Variants in AKAP19 observed in about 807,000 individuals in gnomAD.
AKAP19 encodes A-kinase anchoring protein 19.
At chr2:190,169,204 T>G in the AKAP19 span, among the ~76,000 whole-genome samples, 1 of 152,040 alleles carries the variant, frequency 6.6e-6, no homozygotes, top group Non-Finnish European at 1.5e-5. Flanking sequence ...TTCAAGACTA[T>G]CAGATCTCAT....
the AKAP19 span, among the ~76,000 whole-genome samples, chr2:190,134,002 T>C: frequency 6.6e-6 from 1 of 152,196 alleles, no homozygotes; most frequent in African/African-American, 2.4e-5. Context: ...TCGTCACAAA[T>C]ACATGAGGTA....
the AKAP19 span, among the ~76,000 whole-genome samples, chr2:189,980,119 T>G: frequency 6.6e-6 from 1 of 152,176 alleles, no homozygotes; most frequent in African/African-American, 2.4e-5. Context: ...ACTTGTCTGT[T>G]TATCACAGCA....
the AKAP19 span, among the ~76,000 whole-genome samples, chr2:190,006,995 G>C: frequency 6.6e-6 from 1 of 152,142 alleles, no homozygotes; most frequent in Non-Finnish European, 1.5e-5. Context: ...ACTCCAGCCT[G>C]GGCGACAGAG....
the AKAP19 span, among the ~76,000 whole-genome samples, chr2:189,884,957 A>G: frequency 6.6e-6 from 1 of 152,220 alleles, no homozygotes; most frequent in South Asian, 2.1e-4. Flanking sequence ...GCAAATATAC[A>G]CTGAAAATAA....
the AKAP19 span, among the ~76,000 whole-genome samples, chr2:190,029,027 T>A: frequency 1.3e-5 from 2 of 151,776 alleles, no homozygotes; most frequent in African/African-American, 2.4e-5. Flanking sequence ...TCGAGTGTGG[T>A]GAGGTGTGGT....
chr2:190,057,855 G>C, the AKAP19 span, among the ~76,000 whole-genome samples: 1 of 152,010 alleles, frequency 6.6e-6, no homozygotes, highest in South Asian at 2.1e-4. Context: ...TTCCCCTAAG[G>C]TCAGTACCAT....
the AKAP19 span, among the ~76,000 whole-genome samples, chr2:189,942,331 C>G: frequency 6.6e-6 from 1 of 152,148 alleles, no homozygotes; most frequent in Non-Finnish European, 1.5e-5. Context: ...TTGCCTTCTG[C>G]CATGATGGTA....
At chr2:189,902,477 A>T in the AKAP19 span, among the ~76,000 whole-genome samples, 1 of 152,048 alleles carries the variant, frequency 6.6e-6, no homozygotes, top group South Asian at 2.1e-4. Context: ...AATTTAAAAG[A>T]CGTTTTAAAT....
At chr2:190,123,965 A>G in the AKAP19 span, among the ~76,000 whole-genome samples, 2 of 152,202 alleles carry the variant, frequency 1.3e-5, no homozygotes, top group African/African-American at 4.8e-5. Context: ...ACCTTGGACA[A>G]CAGAACTCCA....
the AKAP19 span, among the ~76,000 whole-genome samples, chr2:190,167,835 C>T: frequency 1.3e-5 from 2 of 152,216 alleles, no homozygotes; most frequent in South Asian, 2.1e-4. Flanking sequence ...GGTACATCCT[C>T]CCTCCTGGCT....
At chr2:190,152,276 G>A in the AKAP19 span, among the ~76,000 whole-genome samples, 1 of 152,086 alleles carries the variant, frequency 6.6e-6, no homozygotes, top group Non-Finnish European at 1.5e-5. Context: ...CATTCAAATT[G>A]TTGCTCCATT....
At chr2:189,912,519 C>A in the AKAP19 span, among the ~76,000 whole-genome samples, 243 of 152,160 alleles carry the variant, frequency 1.6e-3, no homozygotes, top group African/African-American at 5.8e-3. Flanking sequence ...CCAGCCCGGG[C>A]AACAGAGCGA....
chr2:189,897,253 AAC>A, the AKAP19 span, among the ~76,000 whole-genome samples: 1 of 152,236 alleles, frequency 6.6e-6, no homozygotes, highest in Non-Finnish European at 1.5e-5. Context: ...TCATTTTTAA[AAC>A]ACAGAGTCTG....
the AKAP19 span, among the ~76,000 whole-genome samples, chr2:190,076,552 G>A: frequency 6.6e-6 from 1 of 152,022 alleles, no homozygotes; most frequent in East Asian, 1.9e-4. Flanking sequence ...ACATTTCACT[G>A]GATATGGAAT....
the AKAP19 span, chr2:190,079,593 C>T: frequency 6.6e-6 from 1 of 152,190 alleles, no homozygotes; most frequent in Non-Finnish European, 1.5e-5. Flanking sequence ...GGCGGATCAC[C>T]TGAAGTCAAG....
At chr2:189,964,961 T>A in the AKAP19 span, among the ~76,000 whole-genome samples, 1 of 152,266 alleles carries the variant, frequency 6.6e-6, no homozygotes, top group Admixed American at 6.5e-5. Flanking sequence ...CTTGGCTAAC[T>A]GTTTGCCATA....
chr2:189,902,776 A>G, the AKAP19 span, among the ~76,000 whole-genome samples: 1 of 151,726 alleles, frequency 6.6e-6, no homozygotes, highest in South Asian at 2.1e-4. Context: ...TTTTTTCATG[A>G]TTCATTTTTT....
At chr2:189,978,286 C>G in the AKAP19 span, among the ~76,000 whole-genome samples, 2 of 151,860 alleles carry the variant, frequency 1.3e-5, no homozygotes, top group Non-Finnish European at 2.9e-5. Context: ...TTATTTCCAT[C>G]TTTATGTTCC....
the AKAP19 span, among the ~76,000 whole-genome samples, chr2:190,033,617 G>A: frequency 6.6e-6 from 1 of 152,266 alleles, no homozygotes; most frequent in South Asian, 2.1e-4. Flanking sequence ...GCAGTTCCTA[G>A]ACTCGACAGT....
Sources: gnomAD v4.1 joint callset for allele counts (sites outside exome capture counted in the v4.1 genomes callset) on GRCh38, gnomAD v4.1.1 for gene constraint, MANE v1.5 for transcripts, NCBI Gene and HGNC (gene_info 2026-07-23, HGNC 2026-07-21) for gene names.